Variants in PCDHA1 observed in about 807,000 individuals in gnomAD.
PCDHA1 encodes the protein protocadherin alpha 1, also known as protocadherin alpha-1.
In PCDHA1, 42 loss-of-function variants were observed where a neutral mutation model predicts 61.3. The ratio of observed to expected loss-of-function variants is 0.69; its 90% CI spans 0.54 to 0.89. The LOEUF (loss-of-function observed/expected upper bound fraction) is 0.89, where lower values mean the gene tolerates loss of function less well. Ranked by LOEUF, PCDHA1 falls within the 40% of genes least tolerant of loss-of-function variation. The pLI is 0.00. For missense variants in PCDHA1, 1,256 were observed against 1,235.3 expected, an observed-to-expected ratio of 1.02 and a Z score of -0.25; for synonymous variants, 610 against 553.8, an observed-to-expected ratio of 1.10 and a Z score of -1.43.
At chr5:141,007,030 A>G (rs1554261014) in intron 3 of PCDHA1, among the ~76,000 whole-genome samples, 1 of 152,186 alleles carries the variant, frequency 6.6e-6, no homozygotes, top group African/African-American at 2.4e-5. Flanking sequence ...TATGGTATTT[A>G]TATCTATGGA....
chr5:140,841,368 T>C (rs2150314322), intron 1 of PCDHA1: 15 of 1,613,308 alleles, frequency 9.3e-6, no homozygotes, highest in Non-Finnish European at 1.3e-5. Flanking sequence ...CGACTACTAC[T>C]CTTGCTTCTG....
chr5:140,829,411 C>T, intron 1 of PCDHA1: 1 of 1,614,148 alleles, frequency 6.2e-7, no homozygotes. Flanking sequence ...CCACCGCCAG[C>T]TTGTCTGTGG....
chr5:140,857,567 G>C, intron 1 of PCDHA1: 1 of 1,596,986 alleles, frequency 6.3e-7, no homozygotes, highest in Non-Finnish European at 8.6e-7. Flanking sequence ...GTCGAGCTAC[G>C]TGTCGGTGCA....
At chr5:140,974,894 A>C (rs1554236433) in intron 1 of PCDHA1, among the ~76,000 whole-genome samples, 2 of 152,184 alleles carry the variant, frequency 1.3e-5, no homozygotes, top group Admixed American at 6.5e-5. Context: ...TTTTCTGATG[A>C]TTTGTAACAA....
chr5:140,827,977 T>C, intron 1 of PCDHA1: 1 of 1,408,282 alleles, frequency 7.1e-7, no homozygotes, highest in Non-Finnish European at 9.6e-7. Context: ...CATCATTCCC[T>C]GACTGTTGAA....
At chr5:140,904,826 TTA>T (rs1554191735) in intron 1 of PCDHA1, among the ~76,000 whole-genome samples, 2 of 152,206 alleles carry the variant, frequency 1.3e-5, no homozygotes, top group South Asian at 4.1e-4. Context: ...GAGCATTTTT[TTA>T]TATGTTTCAT....
rs147149527 is a variant in PCDHA1 at position 140,842,554 on chromosome 5, C to T, written c.2394+53870C>T. The T allele has an allele frequency of 1.0e-3, 1,636 of 1,596,230 alleles. 137 individuals carry two copies. The highest frequency in any genetic ancestry group is 3.5e-3 in the South Asian group (317 of 90,526). On this transcript the variant is annotated intron_variant, in intron 1 of 3. Transcript: ENST00000504120. Reference sequence around the variant, plus strand: ...ATTACTACTCGTTGGTGCTGGACAGCGCCCTGGACCGCGAGAGAGTGTCGG... The same window carrying T: ...ATTACTACTCGTTGGTGCTGGACAGTGCCCTGGACCGCGAGAGAGTGTCGG...
chr5:140,809,745 C>T, intron 1 of PCDHA1: 1 of 670,750 alleles, frequency 1.5e-6, no homozygotes, highest in Middle Eastern at 4.2e-4. Context: ...ATATATATTG[C>T]CTTCCTTCAT....
chr5:140,853,436 T>C (rs1442377806), intron 1 of PCDHA1: 3 of 984,616 alleles, frequency 3.0e-6, no homozygotes, highest in African/African-American at 3.5e-5. Flanking sequence ...CACTTTCCTA[T>C]TTTGCCTAAT....
Position 140,900,863 on chromosome 5 carries a change from G to A in PCDHA1, c.2395-78086G>A, listed in dbSNP as rs116648446. 4.1e-3 allele frequency among the ~76,000 whole-genome samples: 626 copies of A among 152,044 alleles called. 2 individuals are homozygous for A. Among genetic ancestry groups the A allele is most frequent in the African/African-American group, 0.014 (595 of 41,452 alleles). Reference sequence around the variant, plus strand: ...AGTTTCCCTTTTTTTCACCTCTCCAGCATTTTTTATTGCCTGTCATTTGGA... The same window carrying A: ...AGTTTCCCTTTTTTTCACCTCTCCAACATTTTTTATTGCCTGTCATTTGGA... On this transcript the variant is annotated intron_variant, in intron 1 of 3. Transcript: ENST00000504120.
chr5:140,887,496 A>G (rs1351125742), intron 1 of PCDHA1, among the ~76,000 whole-genome samples: 1 of 152,072 alleles, frequency 6.6e-6, no homozygotes, highest in Non-Finnish European at 1.5e-5. Context: ...CATAGTTTCT[A>G]ATAAGATGTT....
chr5:140,787,409 C>A lies in PCDHA1; in HGVS notation c.1119C>A (p.Thr373=), dbSNP rs782808595. The change falls in exon 1 of 4, where the codon ACC becomes ACA. Residue 373 remains threonine, a synonymous_variant. Coordinates refer to ENST00000504120, the MANE Select transcript of PCDHA1 (RefSeq NM_018900.4). ...TCAGCACCGTCATCGCCCTCATCAC[C>A]GTGTCTGACCGTGACTCAGGTGCCA... The part of the protein sequence containing the change: ...APLSTVIALI[T]VSDRDSGANG... 7.4e-6 allele frequency: 12 copies of A among 1,614,128 alleles called. No individual in the cohort carries two copies. The highest frequency in any genetic ancestry group is 9.3e-6 in the Non-Finnish European group (11 of 1,180,046).
intron 1 of PCDHA1, chr5:140,853,845 T>C (rs2150303295): frequency 1.0e-6 from 1 of 986,388 alleles, no homozygotes. Context: ...TTTAGATCCA[T>C]AGCCCTATTT....
intron 1 of PCDHA1, among the ~76,000 whole-genome samples, chr5:140,896,345 C>T (rs113477424): frequency 0.12 from 18,881 of 152,098 alleles, 1,242 homozygotes; most frequent in Middle Eastern, 0.19. Flanking sequence ...TTTATATTCC[C>T]GCCAGCAGTG....
intron 3 of PCDHA1, among the ~76,000 whole-genome samples, chr5:140,993,704 A>G (rs1032326931): frequency 3.3e-5 from 5 of 152,172 alleles, no homozygotes; most frequent in African/African-American, 1.2e-4. Flanking sequence ...TTGTAATACC[A>G]TATTTTTACT....
At chr5:140,826,394 A>G (rs1158338213) in intron 1 of PCDHA1, among the ~76,000 whole-genome samples, 1 of 152,202 alleles carries the variant, frequency 6.6e-6, no homozygotes, top group African/African-American at 2.4e-5. Flanking sequence ...GAACTACTAA[A>G]TAGATCCAGG....
chr5:140,930,702 A>T (rs1359159980), intron 1 of PCDHA1, among the ~76,000 whole-genome samples: 1 of 152,234 alleles, frequency 6.6e-6, no homozygotes, highest in African/African-American at 2.4e-5. Context: ...CTTGTAAGTT[A>T]TTCTTCCTCA....
chr5:140,907,812 C>T (rs888159954), intron 1 of PCDHA1, among the ~76,000 whole-genome samples: 17 of 152,192 alleles, frequency 1.1e-4, no homozygotes, highest in Admixed American at 2.6e-4. Flanking sequence ...GTCCACAGAA[C>T]GAGTCATCCT....
At chr5:140,854,341 G>A (rs1388413417) in intron 1 of PCDHA1, 1 of 189,830 alleles carries the variant, frequency 5.3e-6, no homozygotes, top group Non-Finnish European at 9.6e-6. Flanking sequence ...TTACGCTCCA[G>A]ATAGCTAAAA....
Sources: gnomAD v4.1 joint callset for allele counts (sites outside exome capture counted in the v4.1 genomes callset) on GRCh38, gnomAD v4.1.1 for gene constraint, MANE v1.5 for transcripts, NCBI Gene and HGNC (gene_info 2026-07-23, HGNC 2026-07-21) for gene names.